ENGASE: variants seen among roughly 807,000 people sequenced by gnomAD.
ENGASE encodes endo-beta-N-acetylglucosaminidase, also known as cytosolic endo-beta-N-acetylglucosaminidase.
Under a neutral mutation model 78.5 loss-of-function variants are expected in ENGASE, and 69 were observed. The ratio of observed to expected loss-of-function variants is 0.88; its 90% CI spans 0.72 to 1.07. The LOEUF is 1.07. Among genes scored for constraint, ENGASE ranks in the 50% least tolerant of loss-of-function variants. ENGASE has a pLI of 0.00. For missense variants in ENGASE, 943 were observed against 988.4 expected (o/e 0.95, Z 0.62); for synonymous variants, 408 against 408.9 (o/e 1.00, Z 0.03).
In ENGASE at chr17:79,087,365, G is replaced by C. The variant is rs2146025357; in HGVS notation, c.*1016G>C. 1 of 270,404 alleles carries C rather than the reference G, an allele frequency of 3.7e-6. No individual in the cohort carries two copies. The highest frequency in any genetic ancestry group is 9.0e-5 in the East Asian group (1 of 11,106). 16.8% of individuals were successfully genotyped at this position (270,404 alleles called of 1,614,324 possible). The stretch of plus-strand genomic sequence containing the variant: ...GACCCCTTGAGCAGCAGTCAGCACA[G>C]GTGCGTGGGGGCGTGAGGGAGGCAG... On this transcript the variant is annotated 3_prime_UTR_variant, in exon 14 of 14. Transcript: ENST00000579016.
Position 79,080,372 on chromosome 17 carries a change from C to T in ENGASE, c.723+8C>T. ...ATCGAGAACTCGCTGAGTGTGAGTG[C>T]CCAGCCCTCACCCACCTCCCCGCCC... On this transcript the variant is annotated splice_region_variant and intron_variant, in intron 5 of 13. Coordinates refer to ENST00000579016, the MANE Select transcript of ENGASE (RefSeq NM_001042573.3). 1 of 1,611,850 alleles carries T rather than the reference C, an allele frequency of 6.2e-7. No homozygotes were observed. Among genetic ancestry groups the T allele is most frequent in the Non-Finnish European group, 8.5e-7 (1 of 1,179,812 alleles).
rs377254874 is a variant in ENGASE at position 79,085,919 on chromosome 17, T to G, written c.1816-14T>G. On this transcript the variant is annotated splice_polypyrimidine_tract_variant and intron_variant, in intron 13 of 13. Coordinates refer to ENST00000579016, the MANE Select transcript of ENGASE (RefSeq NM_001042573.3). Reference sequence around the variant, plus strand: ...CCCGGGCGTCCAGCCGTGCTGAGCCTTCTCTCCTGCCAGGTGGTGGACGCT... The same window carrying G: ...CCCGGGCGTCCAGCCGTGCTGAGCCGTCTCTCCTGCCAGGTGGTGGACGCT... 121 of 1,588,738 alleles carry G rather than the reference T, an allele frequency of 7.6e-5. No individual in the cohort carries two copies. The African/African-American group carries it at 1.5e-3, about 20-fold the overall frequency.
chr17:79,083,010 G>A lies in ENGASE; in HGVS notation c.1039-10G>A, dbSNP rs1412970613. Reference sequence around the variant, plus strand: ...CCTGATGTGCCCAGCGTCTCCCTCTGTCTCTTCAGTCGTTGGAGCTGATCC... The same window carrying A: ...CCTGATGTGCCCAGCGTCTCCCTCTATCTCTTCAGTCGTTGGAGCTGATCC... On this transcript the variant is annotated splice_polypyrimidine_tract_variant and intron_variant, in intron 7 of 13. Coordinates refer to ENST00000579016, the MANE Select transcript of ENGASE (RefSeq NM_001042573.3). The surrounding 1 kb of genome is among the most constrained non-coding windows in gnomAD (Gnocchi z 4.9). 1 of 1,613,062 alleles carries A rather than the reference G, an allele frequency of 6.2e-7. No individual in the cohort carries two copies. Among genetic ancestry groups the A allele is most frequent in the Non-Finnish European group, 8.5e-7 (1 of 1,179,468 alleles).
At chr17:79,075,585 G>A (rs759454524) in intron 1 of ENGASE, 21 of 607,712 alleles carry the variant, frequency 3.5e-5, no homozygotes, top group Non-Finnish European at 4.3e-5. Context: ...AACAGAAAGG[G>A]CCAAAGCACA....
chr17:79,085,682 C>T lies in ENGASE; in HGVS notation c.1763C>T (p.Pro588Leu), dbSNP rs369851840. The change falls in exon 13 of 14, where the codon CCG becomes CTG. Residue 588 changes from proline to leucine, a missense_variant. Coordinates refer to ENST00000579016, the MANE Select transcript of ENGASE (RefSeq NM_001042573.3). The part of the protein sequence containing the change: ...LLDLLVCFSR[P>L]PGSREEESFT... ...GACCTCCTCGTTTGCTTCTCACGGC[C>T]GCCGGGTAGTCGGGAGGAGGAGAGC... The T allele has an allele frequency of 6.4e-5, 104 of 1,613,844 alleles. No individual in the cohort carries two copies. Among genetic ancestry groups the T allele is most frequent in the Admixed American group, 1.0e-4 (6 of 60,010 alleles).
chr17:79,085,504 G>A (rs1837862286), intron 12 of ENGASE, 116 bp from the exon 13 acceptor site: 1 of 1,459,250 alleles, frequency 6.9e-7, no homozygotes, highest in Non-Finnish European at 9.3e-7. Context: ...GTCGGCCTGG[G>A]GTCCCCCATG....
Sources: gnomAD v4.1 joint callset for allele counts on GRCh38, gnomAD v4.1.1 for gene constraint, Gnocchi (gnomAD v3.1) non-coding constraint, MANE v1.5 for transcripts, NCBI Gene and HGNC (gene_info 2026-07-23, HGNC 2026-07-21) for gene names.